The following RPSA2 variants were observed in gnomAD, a reference collection of about 807,000 sequenced individuals.
RPSA2 encodes the protein ribosomal protein SA 2.
chr19:23,758,537 T>C, the RPSA2 span, among the ~76,000 whole-genome samples: 149,003 of 152,310 alleles, frequency 0.98, 72,978 homozygotes, highest in Middle Eastern at 1. Context: ...CAGAGAGAGC[T>C]GCAGGCCAGG....
chr19:23,832,893 T>C, the RPSA2 span: 1 of 1,564,834 alleles, frequency 6.4e-7, no homozygotes, highest in Non-Finnish European at 8.7e-7. Context: ...CCTACAAATG[T>C]GAGGAACGTG....
chr19:23,805,887 A>G, the RPSA2 span, among the ~76,000 whole-genome samples: 1 of 152,092 alleles, frequency 6.6e-6, no homozygotes, highest in Non-Finnish European at 1.5e-5. Context: ...ACTTCTCTAC[A>G]TCACGACTTC....
At chr19:23,776,348 C>T in the RPSA2 span, among the ~76,000 whole-genome samples, 1 of 152,182 alleles carries the variant, frequency 6.6e-6, no homozygotes, top group Admixed American at 6.5e-5. Flanking sequence ...GGCATTTGGA[C>T]ATATCACTGT....
the RPSA2 span, among the ~76,000 whole-genome samples, chr19:23,823,466 AAG>A: frequency 6.6e-6 from 1 of 152,142 alleles, no homozygotes; most frequent in African/African-American, 2.4e-5. Context: ...AGTCTATACT[AAG>A]AGAGCTGTAG....
chr19:23,841,820 A>G, the RPSA2 span, among the ~76,000 whole-genome samples: 1 of 152,228 alleles, frequency 6.6e-6, no homozygotes, highest in African/African-American at 2.4e-5. Flanking sequence ...CAGGTTACAT[A>G]TTAGCAGAGA....
chr19:23,768,777 A>G, the RPSA2 span, among the ~76,000 whole-genome samples: 1 of 149,328 alleles, frequency 6.7e-6, no homozygotes, highest in African/African-American at 2.5e-5. Flanking sequence ...TAGTAGAGAC[A>G]GGGTTTCACC....
chr19:23,760,498 T>C, the RPSA2 span, among the ~76,000 whole-genome samples: 2 of 151,860 alleles, frequency 1.3e-5, no homozygotes, highest in African/African-American at 2.4e-5. Flanking sequence ...AGTGTGAGAA[T>C]TGGCATGTGC....
At chr19:23,869,156 A>G in the RPSA2 span, among the ~76,000 whole-genome samples, 1 of 152,146 alleles carries the variant, frequency 6.6e-6, no homozygotes, top group Non-Finnish European at 1.5e-5. Flanking sequence ...ATCTATCGTG[A>G]TCAGGGAGCA....
At chr19:23,827,258 C>G in the RPSA2 span, 1 of 758,496 alleles carries the variant, frequency 1.3e-6, no homozygotes, top group Non-Finnish European at 2.3e-6. Context: ...TCTTGACTTC[C>G]AGATGGAACA....
the RPSA2 span, among the ~76,000 whole-genome samples, chr19:23,869,264 C>T: frequency 2.0e-5 from 3 of 152,174 alleles, no homozygotes; most frequent in Admixed American, 6.5e-5. Context: ...GAAGGACTCC[C>T]CTTGTGTATC....
the RPSA2 span, among the ~76,000 whole-genome samples, chr19:23,843,716 G>A: frequency 6.6e-6 from 1 of 152,110 alleles, no homozygotes; most frequent in Non-Finnish European, 1.5e-5. Context: ...TCAATGACAT[G>A]TTACTTGTTA....
At chr19:23,847,350 A>G in the RPSA2 span, among the ~76,000 whole-genome samples, 1 of 152,140 alleles carries the variant, frequency 6.6e-6, no homozygotes, top group Non-Finnish European at 1.5e-5. Context: ...ATATTTCAAC[A>G]TAGGTTCTTT....
At chr19:23,843,737 T>A in the RPSA2 span, among the ~76,000 whole-genome samples, 1 of 152,166 alleles carries the variant, frequency 6.6e-6, no homozygotes, top group Non-Finnish European at 1.5e-5. Context: ...TTTATCTATA[T>A]TGTCTTGTCT....
At chr19:23,841,296 C>T in the RPSA2 span, among the ~76,000 whole-genome samples, 2 of 151,976 alleles carry the variant, frequency 1.3e-5, no homozygotes, top group Non-Finnish European at 2.9e-5. Context: ...AACCCCGTCT[C>T]TACTAAAATT....
chr19:23,766,756 ATGTTTT>A, the RPSA2 span, among the ~76,000 whole-genome samples: 1 of 71,290 alleles, frequency 1.4e-5, no homozygotes, highest in African/African-American at 5.0e-5. Flanking sequence ...GCCGGGCCAA[ATGTTTT>A]TTTTTTTTTT....
chr19:23,795,482 GCTGATTTACAGGGATGATA>G, the RPSA2 span, among the ~76,000 whole-genome samples: 1 of 152,094 alleles, frequency 6.6e-6, no homozygotes, highest in East Asian at 1.9e-4. Flanking sequence ...CATGGATGTT[GCTGATTTACAGGGATGATA>G]CTAATTTTTG....
At chr19:23,806,001 G>GTCTGTCTA in the RPSA2 span, among the ~76,000 whole-genome samples, 8 of 132,740 alleles carry the variant, frequency 6.0e-5, no homozygotes, top group African/African-American at 1.7e-4. Context: ...CTATCTGTCT[G>GTCTGTCTA]TCTATCTATC....
chr19:23,853,876 A>T, the RPSA2 span, among the ~76,000 whole-genome samples: 1 of 152,208 alleles, frequency 6.6e-6, no homozygotes, highest in African/African-American at 2.4e-5. Context: ...GTCCCATGTT[A>T]GTGGGATGTT....
At chr19:23,869,712 T>C in the RPSA2 span, among the ~76,000 whole-genome samples, 1 of 152,158 alleles carries the variant, frequency 6.6e-6, no homozygotes, top group Non-Finnish European at 1.5e-5. Context: ...CACCTCTTCC[T>C]CAGTGGCATT....
Sources: allele counts gnomAD v4.1 joint callset (sites outside exome capture counted in the v4.1 genomes callset), GRCh38; gene constraint gnomAD v4.1.1; transcripts MANE v1.5; gene names NCBI Gene and HGNC (gene_info 2026-07-23, HGNC 2026-07-21).